Variants in LAMA5 observed in about 807,000 individuals in gnomAD.
LAMA5 encodes laminin subunit alpha-5.
LAMA5 carries 260 observed loss-of-function variants against 433.4 expected under a neutral mutation model. That is an observed-to-expected ratio of 0.60 (90% CI 0.54 to 0.66). LAMA5 has a LOEUF of 0.66. Ranked by LOEUF, LAMA5 falls within the 30% of genes least tolerant of loss-of-function variation. The probability of loss-of-function intolerance (pLI) is 0.00; values close to 1 mark genes in which losing one functional copy is unlikely to be tolerated. For synonymous variants in LAMA5, 2,620 were observed against 2,226.6 expected, an observed-to-expected ratio of 1.18 and a Z score of -4.97; for missense variants, 5,378 against 5,258.5, an observed-to-expected ratio of 1.02 and a Z score of -0.70.
intron 2 of LAMA5, among the ~76,000 whole-genome samples, chr20:62,360,902 C>T (rs1986055784): frequency 6.6e-6 from 1 of 152,120 alleles, no homozygotes. Flanking sequence ...TGGTGGAGCC[C>T]AGGCTCGTGG....
chr20:62,326,847 T>A lies in LAMA5; in HGVS notation c.5214+18A>T. 6.2e-7 allele frequency: 1 copy of A among 1,606,006 alleles called. No homozygotes were observed. The highest frequency in any genetic ancestry group is 1.1e-5 in the South Asian group (1 of 90,864). ...ACGCCCACCCAACCACCCTGCCACA[T>A]CATCTCAGCTCCCTCACCTGCAGCA... is the stretch of plus-strand genomic sequence containing the variant. On this transcript the variant is annotated intron_variant, in intron 39 of 79. Transcript: ENST00000252999.
At chr20:62,317,173 G>C in intron 55 of LAMA5, 150 bp from the exon 56 acceptor site, 1 of 1,182,630 alleles carries the variant, frequency 8.5e-7, no homozygotes, top group Non-Finnish European at 1.1e-6. Context: ...CCTGCTGGGT[G>C]TACTGCTCCT....
chr20:62,338,760 T>C, intron 11 of LAMA5, 152 bp from the exon 12 acceptor site: 1 of 928,194 alleles, frequency 1.1e-6, no homozygotes, highest in Non-Finnish European at 1.6e-6. Context: ...CAGCAAGGGC[T>C]GGGTGCAGTG....
chr20:62,334,293 G>A lies in LAMA5; in HGVS notation c.2632C>T (p.Leu878=), dbSNP rs750922284. Reference sequence around the variant, plus strand: ...CCCTCAGGTGTGGCAGCCTCCTCCAGCTCCAGGCGCAGGTGGTGCAGGTCC... The same window carrying A: ...CCCTCAGGTGTGGCAGCCTCCTCCAACTCCAGGCGCAGGTGGTGCAGGTCC... ...LPDLHHLRLE[L]EEAATPEGHA... is the part of the protein sequence containing the mutation. The change falls in exon 22 of 80, where the codon CTG becomes TTG. Residue 878 remains leucine, a synonymous_variant. Transcript: ENST00000252999. 2 of 1,611,322 alleles carry A rather than the reference G, an allele frequency of 1.2e-6. No individual in the cohort carries two copies. The highest frequency in any genetic ancestry group is 1.6e-4 in the Middle Eastern group (1 of 6,068).
At chr20:62,364,393 G>A (rs998150638) in intron 1 of LAMA5, among the ~76,000 whole-genome samples, 4 of 152,170 alleles carry the variant, frequency 2.6e-5, no homozygotes, top group Non-Finnish European at 5.9e-5. Context: ...GGAAGGTTGC[G>A]GGTCAAGGGT....
chr20:62,351,664 G>A (rs374201892), intron 6 of LAMA5, 40 bp downstream of exon 6: 5 of 1,583,974 alleles, frequency 3.2e-6, no homozygotes, highest in South Asian at 1.1e-5. Context: ...AGCTGGGGGG[G>A]GCCTCACCTG....
Position 62,325,382 on chromosome 20 carries a change from C to A in LAMA5, c.5463G>T (p.Gln1821His). The change falls in exon 41 of 80, where the codon CAG becomes CAT. Residue 1821 changes from glutamine to histidine, a missense_variant. Transcript: ENST00000252999. ...GCTCCACATTGCTGGCCAGGGCCCCCTGGCCTGCTGGGCTGGCCACCTCCA... is the reference window on the plus strand; with the variant it reads ...GCTCCACATTGCTGGCCAGGGCCCCATGGCCTGCTGGGCTGGCCACCTCCA... ...VALEVASPAG[Q>H]GALASNVELC... is the part of the protein sequence containing the mutation. 6.2e-7 allele frequency: 1 copy of A among 1,611,014 alleles called. No individual in the cohort carries two copies. Among genetic ancestry groups the A allele is most frequent in the Non-Finnish European group, 8.5e-7 (1 of 1,178,910 alleles).
At chr20:62,321,888 G>A in intron 48 of LAMA5, 131 bp downstream of exon 48, 1 of 879,264 alleles carries the variant, frequency 1.1e-6, no homozygotes, top group East Asian at 2.4e-5. Context: ...GGACAGGCAT[G>A]GGTCTCTCGG....
In LAMA5 at chr20:62,345,840, C is replaced by A. The variant is rs1180489418; in HGVS notation, c.1455G>T (p.Val485=). ...PSSSNDTREQ[V]LPAGQIVNCD... is the part of the protein sequence containing the mutation. Reference sequence around the variant, plus strand: ...TACTCACAATCTGGCCGGCTGGCAGCACCTGCTCCCTGGTGTCATTGGAGG... The same window carrying A: ...TACTCACAATCTGGCCGGCTGGCAGAACCTGCTCCCTGGTGTCATTGGAGG... Residue 485 remains valine (V), a synonymous_variant, in exon 11 of 80, where the codon GTG becomes GTT. Coordinates refer to ENST00000252999, the MANE Select transcript of LAMA5 (RefSeq NM_005560.6). The A allele has an allele frequency of 6.4e-7, 1 of 1,552,114 alleles. No individual in the cohort carries two copies.
rs148379552 is a variant in LAMA5, at chr20:62,346,100, C to T, written c.1398G>A (p.Thr466=). 146 of 1,613,004 alleles carry T rather than the reference C, an allele frequency of 9.1e-5. No individual in the cohort carries two copies. The African/African-American group carries it at 1.8e-3, about 20-fold the overall frequency. The change falls in exon 10 of 80, where the codon ACG becomes ACA. Residue 466 remains threonine (T), a synonymous_variant. Transcript: ENST00000252999. ...GCTCACGGTAGCAGCTTGGGAAGCC[C>T]GTGAAGCCCTCGGCACACACGTCAC... is the stretch of plus-strand genomic sequence containing the variant. ...ERCDVCAEGF[T]GFPSCYPTPS...
At chr20:62,335,166 G>A (rs372454299) in intron 19 of LAMA5, 40 bp from the exon 20 acceptor site, 3 of 1,611,916 alleles carry the variant, frequency 1.9e-6, no homozygotes, top group Non-Finnish European at 2.5e-6. Context: ...GCAGGGGAGG[G>A]TCCTGACCAG....
At chr20:62,337,177 GCGCACCCAC>G (rs1981788455) in intron 16 of LAMA5, among the ~76,000 whole-genome samples, 2 of 92,234 alleles carry the variant, frequency 2.2e-5, no homozygotes, top group African/African-American at 8.5e-5. Flanking sequence ...CACGCGATAC[GCGCACCCAC>G]TTATGCGATA....
chr20:62,346,912 C>T lies in LAMA5; in HGVS notation c.1072+1G>A. ...ACACGTGTGTGGGAGGAGGCACTCACACTGGCACTCGTTGGCACTGTTGGC... is the reference window on the plus strand; with the variant it reads ...ACACGTGTGTGGGAGGAGGCACTCATACTGGCACTCGTTGGCACTGTTGGC... On this transcript the variant is annotated splice_donor_variant, in intron 7 of 79. Coordinates refer to ENST00000252999, the MANE Select transcript of LAMA5 (RefSeq NM_005560.6). LOFTEE classifies it high-confidence loss of function. 1 of 1,612,856 alleles carries T rather than the reference C, an allele frequency of 6.2e-7. No individual in the cohort carries two copies. The highest frequency in any genetic ancestry group is 8.5e-7 in the Non-Finnish European group (1 of 1,179,796).
chr20:62,349,281 A>AG (rs1260603612), intron 6 of LAMA5, among the ~76,000 whole-genome samples: 1 of 150,828 alleles, frequency 6.6e-6, no homozygotes, highest in Non-Finnish European at 1.5e-5. Context: ...AAAAAAAAAA[A>AG]AAAAAAAAAA....
intron 38 of LAMA5, 105 bp downstream of exon 38, chr20:62,327,128 C>T: frequency 6.5e-6 from 8 of 1,234,412 alleles, no homozygotes; most frequent in Non-Finnish European, 8.8e-6. Flanking sequence ...CACGGACCCC[C>T]ATGGAGCTCC....
chr20:62,337,928 G>C lies in LAMA5; in HGVS notation c.1902C>G (p.Cys634Trp). 1.2e-6 allele frequency: 2 copies of C among 1,609,228 alleles called. No homozygotes were observed. Among genetic ancestry groups the C allele is most frequent in the South Asian group, 1.1e-5 (1 of 90,712 alleles). ...HGFPNCQACT[C>W]DPRGALDQLC... The stretch of plus-strand genomic sequence containing the variant: ...GCTGGTCCAGGGCTCCCCGAGGGTC[G>C]CAGGTGCATGCTGCAGAGGGACAAT... The change falls in exon 15 of 80, where the codon TGC (cysteine) becomes TGG (tryptophan). Residue 634 changes from cysteine to tryptophan, a missense_variant. Transcript: ENST00000252999.
At position 62,333,699 on chromosome 20, in the gene LAMA5, T is replaced by C. The variant is rs1980956152; in HGVS notation, c.2886A>G (p.Ala962=). 3 of 1,589,826 alleles carry C rather than the reference T, an allele frequency of 1.9e-6. No individual in the cohort carries two copies. In the African/African-American group the frequency reaches 4.0e-5, roughly 21 times the overall value. ...GRSATCANCT[A]QSQPVAFPPS... is the part of the protein sequence containing the mutation. ...GTGGGAAGGCCACGGGCTGACTCTG[T>C]GCTGTGCCTGGGCGGGGGCAGGGGT... The change falls in exon 24 of 80, where the codon GCA becomes GCG. Residue 962 remains alanine, a synonymous_variant. Coordinates refer to ENST00000252999, the MANE Select transcript of LAMA5 (RefSeq NM_005560.6).
chr20:62,352,988 G>A lies in LAMA5; in HGVS notation c.568+146C>T, dbSNP rs115647176. 1.7e-3 allele frequency: 1,045 copies of A among 607,058 alleles called. 12 individuals are homozygous for A. The African/African-American group carries it at 0.018, about 10-fold the overall frequency. 37.6% of individuals were successfully genotyped at this position (607,058 alleles called of 1,614,324 possible). A position where few individuals can be genotyped will look rare whatever the true frequency, so the allele number is the denominator to read the frequency against. On this transcript the variant is annotated intron_variant, in intron 3 of 79. Coordinates refer to ENST00000252999, the MANE Select transcript of LAMA5 (RefSeq NM_005560.6). ...AGCCAATAAATCCCCATGAGCCTTC[G>A]GGTCCTCGTCTGACAGTCATGACCG...
chr20:62,323,836 A>G lies in LAMA5; in HGVS notation c.5789T>C (p.Leu1930Pro). The change falls in exon 44 of 80, where the codon CTG (leucine) becomes CCG (proline). Residue 1930 changes from leucine to proline, a missense_variant. Transcript: ENST00000252999. The part of the protein sequence containing the change: ...PSNNFAEGCV[L>P]RGGRTQCLCK... ...GAGGCACTGGGTGCGGCCGCCTCGC[A>G]GGACACAGCCCTCGGCGAAGCTGCA... The G allele has an allele frequency of 6.2e-7, 1 of 1,609,526 alleles. No homozygotes were observed. The highest frequency in any genetic ancestry group is 8.5e-7 in the Non-Finnish European group (1 of 1,178,454).
Sources: allele counts gnomAD v4.1 joint callset (sites outside exome capture counted in the v4.1 genomes callset), GRCh38; gene constraint gnomAD v4.1.1; transcripts MANE v1.5; gene names NCBI Gene and HGNC (gene_info 2026-07-23, HGNC 2026-07-21).